Variants in PCDH9 observed in about 807,000 individuals in gnomAD.
PCDH9 encodes the protein protocadherin 9, also known as protocadherin-9.
A neutral mutation model predicts 70.6 loss-of-function variants in PCDH9; 24 were observed. That is an observed-to-expected ratio of 0.34 (90% CI 0.25 to 0.48). The LOEUF is 0.48. Ranked by LOEUF, PCDH9 falls within the 20% of genes least tolerant of loss-of-function variation. PCDH9 has a pLI of 0.99. For synonymous variants in PCDH9, 562 were observed against 558.5 expected, an observed-to-expected ratio of 1.01 and a Z score of -0.09; for missense variants, 1,281 against 1,503.6, an observed-to-expected ratio of 0.85 and a Z score of 2.45.
chr13:66,369,992 A>C (rs1956617049), intron 4 of PCDH9, among the ~76,000 whole-genome samples: 1 of 152,104 alleles, frequency 6.6e-6, no homozygotes, highest in Admixed American at 6.6e-5. Flanking sequence ...TGAAGAATAA[A>C]TGTGTACGTT....
intron 4 of PCDH9, among the ~76,000 whole-genome samples, chr13:66,611,911 T>C (rs2077297839): frequency 6.6e-6 from 1 of 152,206 alleles, no homozygotes; most frequent in Non-Finnish European, 1.5e-5. Context: ...CCTAAGGTTA[T>C]GTAGCTGGCA....
intron 3 of PCDH9, among the ~76,000 whole-genome samples, chr13:66,887,784 A>G (rs1385659420): frequency 6.6e-6 from 1 of 152,216 alleles, no homozygotes; most frequent in Non-Finnish European, 1.5e-5. Flanking sequence ...AAGTTAAAGC[A>G]TACTCATATT....
At chr13:66,373,278 C>A (rs1187975239) in intron 4 of PCDH9, among the ~76,000 whole-genome samples, 1 of 151,876 alleles carries the variant, frequency 6.6e-6, no homozygotes, top group Non-Finnish European at 1.5e-5. Flanking sequence ...CCAGAGTAAT[C>A]CAACTTACAA....
At chr13:66,927,557 C>T (rs1227819981) in intron 2 of PCDH9, among the ~76,000 whole-genome samples, 1 of 151,962 alleles carries the variant, frequency 6.6e-6, no homozygotes, top group Admixed American at 6.6e-5. Context: ...AAGTTAAAAA[C>T]AAAAACAAAG....
intron 4 of PCDH9, among the ~76,000 whole-genome samples, chr13:66,385,469 TTCAAGACTA>T (rs1956913115): frequency 6.6e-6 from 1 of 152,108 alleles, no homozygotes; most frequent in Non-Finnish European, 1.5e-5. Context: ...ATAACAGGAC[TTCAAGACTA>T]TTAACTCAAT....
chr13:66,699,024 C>T (rs931160139), intron 3 of PCDH9, among the ~76,000 whole-genome samples: 12 of 151,250 alleles, frequency 7.9e-5, no homozygotes, highest in African/African-American at 2.7e-4. Context: ...AAGCGATTCT[C>T]CCACCTCAGC....
chr13:67,129,222 A>T (rs189970335), intron 2 of PCDH9, among the ~76,000 whole-genome samples: 19 of 152,282 alleles, frequency 1.2e-4, no homozygotes, highest in Admixed American at 1.2e-3. Flanking sequence ...AAAGAAGGAG[A>T]GAGAAAGAAG....
At chr13:67,170,811 T>G (rs1425979555) in intron 2 of PCDH9, among the ~76,000 whole-genome samples, 1 of 151,910 alleles carries the variant, frequency 6.6e-6, no homozygotes, top group African/African-American at 2.4e-5. Context: ...TGTAATCCCA[T>G]CTACTCGGGA....
At chr13:66,487,823 T>G (rs184238821) in intron 4 of PCDH9, among the ~76,000 whole-genome samples, 1 of 152,186 alleles carries the variant, frequency 6.6e-6, no homozygotes, top group African/African-American at 2.4e-5. Context: ...TCAAGCCAGA[T>G]GCAATGAAGA....
intron 4 of PCDH9, among the ~76,000 whole-genome samples, chr13:66,511,415 C>A (rs1207736725): frequency 2.0e-5 from 3 of 152,058 alleles, no homozygotes; most frequent in Non-Finnish European, 4.4e-5. Flanking sequence ...AAAAAAATCA[C>A]ACATACCTCA....
At chr13:66,523,102 A>G (rs1199592425) in intron 4 of PCDH9, among the ~76,000 whole-genome samples, 1 of 152,060 alleles carries the variant, frequency 6.6e-6, no homozygotes, top group Non-Finnish European at 1.5e-5. Context: ...ATTCATAGCA[A>G]TTTGTTCAAG....
At chr13:66,910,349 T>C (rs1374873925) in intron 2 of PCDH9, among the ~76,000 whole-genome samples, 1 of 143,868 alleles carries the variant, frequency 7.0e-6, no homozygotes, top group African/African-American at 2.7e-5. Flanking sequence ...TAGTTATAGT[T>C]CCATGTGATC....
chr13:67,172,080 G>A (rs536984031), intron 2 of PCDH9, among the ~76,000 whole-genome samples: 1 of 152,282 alleles, frequency 6.6e-6, no homozygotes, highest in Non-Finnish European at 1.5e-5. Flanking sequence ...ATCCATGAAT[G>A]TATGTTAATC....
chr13:66,375,382 C>T (rs1417449492), intron 4 of PCDH9, among the ~76,000 whole-genome samples: 1 of 151,902 alleles, frequency 6.6e-6, no homozygotes, highest in Non-Finnish European at 1.5e-5. Context: ...ACTTTTTACT[C>T]GTCCTCAAAA....
chr13:66,338,785 ATCTC>A (rs1184260980), intron 4 of PCDH9, among the ~76,000 whole-genome samples: 1 of 151,920 alleles, frequency 6.6e-6, no homozygotes, highest in Non-Finnish European at 1.5e-5. Flanking sequence ...CTAGAAATCT[ATCTC>A]CTTTATGACT....
Position 67,224,901 on chromosome 13 carries a change from A to G in PCDH9, c.3036+504T>C. The G allele has an allele frequency of 5.1e-6, 5 of 987,852 alleles. No individual in the cohort carries two copies. In the South Asian group the frequency reaches 2.3e-4, roughly 46 times the overall value. The allele number at this position is 987,852 out of a possible 1,614,324, so 61.2% of individuals were successfully genotyped here. A position where few individuals can be genotyped will look rare whatever the true frequency, so the allele number is the denominator to read the frequency against. ...ATCATGTGCTTCACAGCTGATGTAC[A>G]TTTAATATTCTACTATCCTGTTTAG... On this transcript the variant is annotated intron_variant, in intron 2 of 4. Transcript: ENST00000377865.
intron 4 of PCDH9, among the ~76,000 whole-genome samples, chr13:66,353,884 A>G (rs1956335821): frequency 6.6e-6 from 1 of 152,138 alleles, no homozygotes; most frequent in Non-Finnish European, 1.5e-5. Context: ...GCATGCTTGG[A>G]AAAATTCCAC....
chr13:66,683,091 ATACAACGT>A (rs1405015072), intron 3 of PCDH9, among the ~76,000 whole-genome samples: 1 of 152,212 alleles, frequency 6.6e-6, no homozygotes, highest in Non-Finnish European at 1.5e-5. Flanking sequence ...TGTCATTTAA[ATACAACGT>A]TACAACCTGT....
chr13:66,604,785 A>T (rs796686243), intron 4 of PCDH9, among the ~76,000 whole-genome samples: 1 of 140,716 alleles, frequency 7.1e-6, no homozygotes, highest in African/African-American at 3.2e-5. Flanking sequence ...CATTAGTGAT[A>T]TTTTTTTTCA....
Sources: gnomAD v4.1 joint callset for allele counts (sites outside exome capture counted in the v4.1 genomes callset) on GRCh38, gnomAD v4.1.1 for gene constraint, MANE v1.5 for transcripts, NCBI Gene and HGNC (gene_info 2026-07-23, HGNC 2026-07-21) for gene names.